Variants in ERC2 observed in about 807,000 individuals in gnomAD.
The protein encoded by ERC2 is ERC protein 2.
In ERC2, 42 loss-of-function variants were observed where a neutral mutation model predicts 114.8. That is an observed-to-expected ratio of 0.37 (90% confidence interval 0.29 to 0.47). The LOEUF (loss-of-function observed/expected upper bound fraction) is 0.47, where lower values mean the gene tolerates loss of function less well. Ranked by LOEUF, ERC2 falls within the 20% of genes least tolerant of loss-of-function variation. The pLI, the probability that ERC2 is intolerant of heterozygous loss-of-function variation, is 0.99. For missense variants in ERC2, 939 were observed against 1,150.7 expected (o/e 0.82, Z 2.66); for synonymous variants, 454 against 425.5 (o/e 1.07, Z -0.82).
chr3:55,752,718 C>T (rs553563924), intron 14 of ERC2, among the ~76,000 whole-genome samples: 1 of 152,280 alleles, frequency 6.6e-6, no homozygotes, highest in African/African-American at 2.4e-5. Flanking sequence ...AGTGAATTAA[C>T]TTACTCAAGT....
Position 56,007,333 on chromosome 3 carries a change from A to G in ERC2, c.1921-12T>C, listed in dbSNP as rs779030197. 1.8e-5 allele frequency: 28 copies of G among 1,590,992 alleles called. No individual in the cohort carries two copies. The highest frequency in any genetic ancestry group is 2.3e-5 in the Non-Finnish European group (27 of 1,168,210). On this transcript the variant is annotated splice_polypyrimidine_tract_variant and intron_variant, in intron 9 of 17. Coordinates refer to ENST00000288221, the MANE Select transcript of ERC2 (RefSeq NM_015576.3). ...TCAATTAAACTAGACTGAAAGAGAA[A>G]GAATGTGAGTGAGTAAAACACTGAA... is the stretch of plus-strand genomic sequence containing the variant.
intron 6 of ERC2, among the ~76,000 whole-genome samples, chr3:56,132,862 A>C (rs2080288110): frequency 6.6e-6 from 1 of 152,232 alleles, no homozygotes; most frequent in Non-Finnish European, 1.5e-5. Flanking sequence ...TAAGGAAATA[A>C]AAACTAAATA....
intron 17 of ERC2, among the ~76,000 whole-genome samples, chr3:55,569,447 G>C (rs757314131): frequency 5.3e-4 from 80 of 152,288 alleles, no homozygotes; most frequent in South Asian, 2.3e-3. Context: ...TCTGCCAATG[G>C]GGAGGAAAAA....
At chr3:56,256,096 T>G (rs2052497731) in intron 3 of ERC2, among the ~76,000 whole-genome samples, 2 of 152,178 alleles carry the variant, frequency 1.3e-5, no homozygotes, top group South Asian at 4.1e-4. Context: ...AAACGTAACT[T>G]GGTGTTCAGA....
chr3:55,729,561 G>T (rs1332572540), intron 15 of ERC2, among the ~76,000 whole-genome samples: 3 of 152,020 alleles, frequency 2.0e-5, no homozygotes, highest in African/African-American at 7.2e-5. Flanking sequence ...GCCTGTCTGG[G>T]TGTGGTGGCT....
chr3:55,908,301 C>A (rs1336246970), intron 13 of ERC2, among the ~76,000 whole-genome samples: 1 of 152,182 alleles, frequency 6.6e-6, no homozygotes, highest in East Asian at 1.9e-4. Context: ...TTATAGGCCA[C>A]ATCTGGATCA....
intron 12 of ERC2, among the ~76,000 whole-genome samples, chr3:55,977,053 A>ATCTGTTGG (rs2069644841): frequency 6.6e-6 from 1 of 152,212 alleles, no homozygotes; most frequent in Non-Finnish European, 1.5e-5. Flanking sequence ...CAGACACTGA[A>ATCTGTTGG]TCTGTTGGTA....
chr3:56,096,821 A>G (rs1050919331), intron 6 of ERC2, among the ~76,000 whole-genome samples: 7 of 152,198 alleles, frequency 4.6e-5, no homozygotes, highest in Non-Finnish European at 5.9e-5. Context: ...CCTTCCCTCT[A>G]TGTATTCTTA....
intron 6 of ERC2, among the ~76,000 whole-genome samples, chr3:56,109,721 T>C (rs1309244814): frequency 1.3e-5 from 2 of 152,156 alleles, no homozygotes; most frequent in African/African-American, 4.8e-5. Context: ...AACTGCAGTG[T>C]TGAAATTGCT....
At chr3:56,186,944 A>G (rs1003978723) in intron 3 of ERC2, among the ~76,000 whole-genome samples, 1 of 152,162 alleles carries the variant, frequency 6.6e-6, no homozygotes, top group Non-Finnish European at 1.5e-5. Context: ...TGAGAAGCAG[A>G]GCCTGAGACA....
chr3:55,683,519 C>T (rs1201596959), intron 17 of ERC2, among the ~76,000 whole-genome samples: 2 of 152,128 alleles, frequency 1.3e-5, no homozygotes, highest in African/African-American at 2.4e-5. Context: ...AGTAAGGGCA[C>T]AGTTTACATC....
At chr3:56,258,072 G>A (rs557815593) in intron 3 of ERC2, among the ~76,000 whole-genome samples, 6 of 152,280 alleles carry the variant, frequency 3.9e-5, no homozygotes, top group African/African-American at 1.4e-4. Context: ...AGCAAAAAGG[G>A]CAGCCAAACT....
chr3:55,527,279 TGAGAGAAATAGCATA>T (rs1347367285), intron 17 of ERC2, among the ~76,000 whole-genome samples: 1 of 152,174 alleles, frequency 6.6e-6, no homozygotes, highest in Non-Finnish European at 1.5e-5. Context: ...ATAGAGGTGT[TGAGAGAAATAGCATA>T]GACCAGACAT....
At chr3:55,731,985 T>C (rs976838095) in intron 15 of ERC2, among the ~76,000 whole-genome samples, 1 of 152,130 alleles carries the variant, frequency 6.6e-6, no homozygotes, top group African/African-American at 2.4e-5. Flanking sequence ...CCATTCTGCT[T>C]GACACTCTGA....
At chr3:56,250,369 T>C (rs1455608981) in intron 3 of ERC2, among the ~76,000 whole-genome samples, 3 of 152,210 alleles carry the variant, frequency 2.0e-5, no homozygotes, top group Admixed American at 6.5e-5. Context: ...AAAACTGCTA[T>C]TCAAACAGCT....
intron 3 of ERC2, among the ~76,000 whole-genome samples, chr3:56,286,739 G>T (rs1334864833): frequency 2.0e-5 from 3 of 151,400 alleles, no homozygotes; most frequent in Non-Finnish European, 4.4e-5. Flanking sequence ...ATTTAAAAAG[G>T]TAAAAAACAT....
At chr3:55,926,844 A>G (rs1266969047) in intron 13 of ERC2, among the ~76,000 whole-genome samples, 2 of 152,138 alleles carry the variant, frequency 1.3e-5, no homozygotes, top group African/African-American at 4.8e-5. Flanking sequence ...GGGTCATGTA[A>G]TCTTCTTGAC....
intron 17 of ERC2, among the ~76,000 whole-genome samples, chr3:55,676,105 T>C (rs1354629255): frequency 6.6e-6 from 1 of 151,764 alleles, no homozygotes; most frequent in Admixed American, 6.6e-5. Flanking sequence ...GCATTTTTAG[T>C]AGAGACAGGG....
intron 10 of ERC2, among the ~76,000 whole-genome samples, chr3:56,001,822 CTAGT>C (rs1430326493): frequency 6.6e-6 from 1 of 152,130 alleles, no homozygotes; most frequent in East Asian, 1.9e-4. Context: ...CTGTTCCTAA[CTAGT>C]AAGTATGAAA....
Sources: allele counts gnomAD v4.1 joint callset (sites outside exome capture counted in the v4.1 genomes callset), GRCh38; gene constraint gnomAD v4.1.1; transcripts MANE v1.5; gene names NCBI Gene and HGNC (gene_info 2026-07-23, HGNC 2026-07-21).